SMARCC1: variants seen among roughly 807,000 people sequenced by gnomAD.
The protein encoded by SMARCC1 is SWI/SNF complex subunit SMARCC1.
SMARCC1 carries 43 observed loss-of-function variants against 147.4 expected under a neutral mutation model. That is an observed-to-expected ratio of 0.29 (90% CI 0.23 to 0.38). The LOEUF (loss-of-function observed/expected upper bound fraction) is 0.38, where lower values mean the gene tolerates loss of function less well. Among genes scored for constraint, SMARCC1 ranks in the 10% least tolerant of loss-of-function variants. The probability of loss-of-function intolerance (pLI) is 1.00; values close to 1 mark genes in which losing one functional copy is unlikely to be tolerated. For missense variants in SMARCC1, 1,119 were observed against 1,381.1 expected, an observed-to-expected ratio of 0.81 and a Z score of 3.01; for synonymous variants, 495 against 484.4, an observed-to-expected ratio of 1.02 and a Z score of -0.29.
At position 47,590,833 on chromosome 3, in the gene SMARCC1, C is replaced by T; in HGVS notation, c.3048G>A (p.Gln1016=). Residue 1016 remains glutamine, a synonymous_variant, in exon 27 of 28, where the codon CAG becomes CAA. Transcript: ENST00000254480. ...GCATCATGGAACCTGGGCCTGGTATCTGACCTGTGGAGGGAGATTTAAAGT... is the reference window on the plus strand; with the variant it reads ...GCATCATGGAACCTGGGCCTGGTATTTGACCTGTGGAGGGAGATTTAAAGT... The part of the protein sequence containing the change: ...MPPPHPPQPG[Q]IPGPGSMMPG... 1 of 1,602,020 alleles carries T rather than the reference C, an allele frequency of 6.2e-7. No individual in the cohort carries two copies. Among genetic ancestry groups the T allele is most frequent in the Non-Finnish European group, 8.5e-7 (1 of 1,175,434 alleles).
chr3:47,601,907 C>G (rs2032392850), intron 26 of SMARCC1: 1 of 152,148 alleles, frequency 6.6e-6, no homozygotes, highest in Admixed American at 6.6e-5. Context: ...GCCATGTTGC[C>G]CAGGCTGGTC....
intron 15 of SMARCC1, 24 bp from the exon 16 acceptor site, chr3:47,678,335 T>C (rs1193411936): frequency 4.0e-6 from 5 of 1,254,732 alleles, no homozygotes; most frequent in South Asian, 2.5e-5. Context: ...GCAAAATTCA[T>C]AAGGTGGACA....
intron 21 of SMARCC1, among the ~76,000 whole-genome samples, chr3:47,656,818 G>A (rs771569932): frequency 7.9e-5 from 12 of 152,092 alleles, no homozygotes; most frequent in Non-Finnish European, 2.9e-5. Context: ...AGAGGCTAAG[G>A]CAGGAGGATC....
intron 19 of SMARCC1, chr3:47,663,818 C>T (rs547706042): frequency 2.1e-5 from 33 of 1,583,258 alleles, no homozygotes; most frequent in Admixed American, 6.7e-5. Flanking sequence ...TTCCTTCCAC[C>T]GGGGCAACAG....
At chr3:47,593,768 C>A (rs1434597261) in intron 26 of SMARCC1, among the ~76,000 whole-genome samples, 2 of 152,196 alleles carry the variant, frequency 1.3e-5, no homozygotes, top group African/African-American at 4.8e-5. Context: ...CTTCAAACCA[C>A]ACCCTGCCTA....
At chr3:47,623,771 G>C (rs960650816) in intron 24 of SMARCC1, among the ~76,000 whole-genome samples, 2 of 152,066 alleles carry the variant, frequency 1.3e-5, no homozygotes, top group Non-Finnish European at 2.9e-5. Flanking sequence ...ACTTCTGTCA[G>C]CTATACATCA....
At chr3:47,740,316 C>T (rs2034495643) in intron 3 of SMARCC1, among the ~76,000 whole-genome samples, 1 of 150,808 alleles carries the variant, frequency 6.6e-6, no homozygotes, top group South Asian at 2.1e-4. Context: ...CTGCCTCAGC[C>T]TCCCGAGTAG....
At chr3:47,774,478 C>T (rs553757148) in intron 1 of SMARCC1, among the ~76,000 whole-genome samples, 33 of 152,116 alleles carry the variant, frequency 2.2e-4, no homozygotes, top group Admixed American at 1.1e-3. Flanking sequence ...AGCACAGTGG[C>T]GCAATCTCTG....
At position 47,762,609 on chromosome 3, in the gene SMARCC1, A is replaced by G. The variant is rs1359745561; in HGVS notation, c.315+10208T>C. On this transcript the variant is annotated intron_variant, in intron 2 of 27. Coordinates refer to ENST00000254480, the MANE Select transcript of SMARCC1 (RefSeq NM_003074.4). Reference sequence around the variant, plus strand: ...AGGTGTTCCACCAAATCACGTAACAATTGAAAATAAATTTAGAAAATGTTG... The same window carrying G: ...AGGTGTTCCACCAAATCACGTAACAGTTGAAAATAAATTTAGAAAATGTTG... 1.3e-5 allele frequency among the ~76,000 whole-genome samples: 2 copies of G among 152,240 alleles called. 1 individual carries two copies. Among genetic ancestry groups the G allele is most frequent in the Admixed American group, 1.3e-4 (2 of 15,270 alleles).
chr3:47,731,035 CATTG>C (rs1380524734), intron 5 of SMARCC1, among the ~76,000 whole-genome samples: 8 of 152,138 alleles, frequency 5.3e-5, no homozygotes, highest in African/African-American at 9.7e-5. Flanking sequence ...AAGTTTGTCA[CATTG>C]ATTGACTCCT....
chr3:47,702,176 C>T (rs1177758368), intron 10 of SMARCC1, among the ~76,000 whole-genome samples: 2 of 127,142 alleles, frequency 1.6e-5, no homozygotes, highest in Non-Finnish European at 3.3e-5. Context: ...GCTCTTGCAC[C>T]AAAAATTCAA....
intron 25 of SMARCC1, among the ~76,000 whole-genome samples, chr3:47,616,983 G>A (rs1436223278): frequency 6.6e-6 from 1 of 152,184 alleles, no homozygotes; most frequent in Non-Finnish European, 1.5e-5. Context: ...GAGGCAGTGG[G>A]GGAGGTGGAG....
intron 8 of SMARCC1, among the ~76,000 whole-genome samples, chr3:47,712,990 G>T (rs2034106940): frequency 6.6e-6 from 1 of 152,072 alleles, no homozygotes; most frequent in African/African-American, 2.4e-5. Flanking sequence ...TTAGATGATA[G>T]TATAATTTCA....
At chr3:47,696,023 T>C (rs1351772193) in intron 11 of SMARCC1, among the ~76,000 whole-genome samples, 4 of 134,196 alleles carry the variant, frequency 3.0e-5, no homozygotes, top group Admixed American at 7.9e-5. Context: ...GCCGAGATTA[T>C]GCCACGGCAC....
intron 21 of SMARCC1, among the ~76,000 whole-genome samples, chr3:47,658,641 A>G (rs2033295066): frequency 6.6e-6 from 1 of 152,210 alleles, no homozygotes; most frequent in African/African-American, 2.4e-5. Context: ...CATTGTATGG[A>G]TATACCACAT....
chr3:47,654,422 T>C (rs919635681), intron 21 of SMARCC1, among the ~76,000 whole-genome samples: 4 of 152,222 alleles, frequency 2.6e-5, no homozygotes, highest in African/African-American at 7.2e-5. Flanking sequence ...CTAAGAATTA[T>C]AGATACTCTC....
At chr3:47,694,935 G>T (rs2033829962) in intron 11 of SMARCC1, among the ~76,000 whole-genome samples, 1 of 152,018 alleles carries the variant, frequency 6.6e-6, no homozygotes, top group East Asian at 1.9e-4. Context: ...TTGTTAAATG[G>T]TAAATACTTT....
chr3:47,667,045 C>T (rs1205514792), intron 19 of SMARCC1, among the ~76,000 whole-genome samples: 4 of 152,114 alleles, frequency 2.6e-5, no homozygotes, highest in South Asian at 4.1e-4. Flanking sequence ...GGGCCAGGCA[C>T]GGTGGCTCAC....
chr3:47,590,977 T>C (rs1468294320), intron 26 of SMARCC1, 140 bp from the exon 27 acceptor site: 1 of 762,202 alleles, frequency 1.3e-6, no homozygotes, highest in Admixed American at 3.5e-5. Context: ...TCTGTAATAA[T>C]CTCTATGTTT....
Sources: gnomAD v4.1 joint callset for allele counts (sites outside exome capture counted in the v4.1 genomes callset) on GRCh38, gnomAD v4.1.1 for gene constraint, MANE v1.5 for transcripts, NCBI Gene and HGNC (gene_info 2026-07-23, HGNC 2026-07-21) for gene names.